The following HPSE2 variants were observed in gnomAD, a reference collection of about 807,000 sequenced individuals.
HPSE2 encodes the protein inactive heparanase-2.
In HPSE2, 38 loss-of-function variants were observed where a neutral mutation model predicts 60.5. The ratio of observed to expected loss-of-function variants is 0.63; its 90% CI spans 0.48 to 0.82. The LOEUF is 0.82. Among genes scored for constraint, HPSE2 ranks in the 40% least tolerant of loss-of-function variants. The probability of loss-of-function intolerance (pLI) is 0.00; values close to 1 mark genes in which losing one functional copy is unlikely to be tolerated. For synonymous variants in HPSE2, 295 were observed against 293.2 expected (o/e 1.01, Z -0.06); for missense variants, 713 against 740.4 (o/e 0.96, Z 0.43).
intron 9 of HPSE2, among the ~76,000 whole-genome samples, chr10:98,554,221 A>G (rs565124042): frequency 1.2e-4 from 19 of 152,278 alleles, no homozygotes; most frequent in African/African-American, 4.1e-4. Flanking sequence ...TTCCAGCCAG[A>G]TCAGACTATA....
rs147626749 is a variant in HPSE2, at chr10:99,184,863, G to C, written c.449-40464C>G. Among the ~76,000 whole-genome samples, 598 of 106,400 alleles carry C rather than the reference G, an allele frequency of 5.6e-3. 17 individuals are homozygous for C. Among genetic ancestry groups the C allele is most frequent in the East Asian group, 0.051 (154 of 3,032 alleles). The allele number at this position is 106,400 out of a possible 152,430, so 69.8% of individuals were successfully genotyped here. On this transcript the variant is annotated intron_variant, in intron 2 of 11. Coordinates refer to ENST00000370552, the MANE Select transcript of HPSE2 (RefSeq NM_021828.5). Reference sequence around the variant, plus strand: ...AGAGAGAGAGAGAGAGAGAGAGAGAGACAGAAACACTGAAAAAATGATGTA... The same window carrying C: ...AGAGAGAGAGAGAGAGAGAGAGAGACACAGAAACACTGAAAAAATGATGTA...
chr10:99,234,863 G>A (rs1849786306), intron 1 of HPSE2, among the ~76,000 whole-genome samples: 1 of 152,016 alleles, frequency 6.6e-6, no homozygotes, highest in South Asian at 2.1e-4. Context: ...ACTGGCGGGG[G>A]GAGGGGGGCA....
chr10:98,715,126 T>A (rs1300793254), intron 5 of HPSE2, among the ~76,000 whole-genome samples: 1 of 151,914 alleles, frequency 6.6e-6, no homozygotes, highest in African/African-American at 2.4e-5. Flanking sequence ...TTTCTCCTAT[T>A]CTGCATGTTA....
Position 98,931,462 on chromosome 10 carries a change from G to A in HPSE2, c.611-187406C>T, listed in dbSNP as rs543484336. Among the ~76,000 whole-genome samples, 111 of 143,842 alleles carry A rather than the reference G, an allele frequency of 7.7e-4. 20 individuals carry two copies. The highest frequency in any genetic ancestry group is 1.9e-3 in the African/African-American group (67 of 35,460). The allele number at this position is 143,842 out of a possible 152,430, so 94.4% of individuals were successfully genotyped here. ...GTCTTGGCTATGCAAGCTCTTTTTT[G>A]GTTCCATATAAATTTTAAAAGTTTT... On this transcript the variant is annotated intron_variant, in intron 3 of 11. Transcript: ENST00000370552.
intron 4 of HPSE2, among the ~76,000 whole-genome samples, chr10:98,728,604 T>C (rs1418877063): frequency 6.6e-6 from 1 of 152,094 alleles, no homozygotes. Context: ...AGTGACATAG[T>C]GAGACTCTGT....
intron 3 of HPSE2, among the ~76,000 whole-genome samples, chr10:99,095,734 T>C (rs1843697606): frequency 6.6e-6 from 1 of 152,256 alleles, no homozygotes; most frequent in South Asian, 2.1e-4. Context: ...CATTTCTTCT[T>C]ATTGCTAAGT....
intron 11 of HPSE2, among the ~76,000 whole-genome samples, chr10:98,478,770 G>A (rs1941121029): frequency 6.6e-6 from 1 of 152,166 alleles, no homozygotes; most frequent in African/African-American, 2.4e-5. Flanking sequence ...GCTATTCCCT[G>A]AAGAATATGT....
At chr10:99,225,198 A>T (rs1022573625) in intron 2 of HPSE2, among the ~76,000 whole-genome samples, 3 of 152,188 alleles carry the variant, frequency 2.0e-5, no homozygotes, top group Non-Finnish European at 4.4e-5. Context: ...ATATTAAATT[A>T]TATCAAATCC....
At chr10:98,911,151 T>C (rs1953966522) in intron 3 of HPSE2, among the ~76,000 whole-genome samples, 3 of 152,174 alleles carry the variant, frequency 2.0e-5, no homozygotes, top group Admixed American at 2.0e-4. Context: ...CCTCAACAAA[T>C]GTGGCTGTAG....
chr10:98,794,243 AT>A (rs67286674), intron 3 of HPSE2, among the ~76,000 whole-genome samples: 20,197 of 144,050 alleles, frequency 0.14, 1,387 homozygotes, highest in Non-Finnish European at 0.18. Context: ...CATTGCATTA[AT>A]TTTTTTTTTT....
At chr10:99,100,973 G>C (rs146944574) in intron 3 of HPSE2, among the ~76,000 whole-genome samples, 1,797 of 152,164 alleles carry the variant, frequency 0.012, 37 homozygotes, top group African/African-American at 0.04. Context: ...TGCCCTAAAA[G>C]AGCTCCTGAA....
chr10:98,890,326 G>A (rs1316419724), intron 3 of HPSE2, among the ~76,000 whole-genome samples: 1 of 151,996 alleles, frequency 6.6e-6, no homozygotes, highest in African/African-American at 2.4e-5. Context: ...AAACCTAAAT[G>A]TTCAACAACT....
At chr10:98,597,840 G>A (rs1209554593) in intron 9 of HPSE2, among the ~76,000 whole-genome samples, 1 of 150,760 alleles carries the variant, frequency 6.6e-6, no homozygotes, top group Non-Finnish European at 1.5e-5. Context: ...GCATGGTGGT[G>A]CGTGGCTGTA....
chr10:99,213,006 T>A (rs1312518156), intron 2 of HPSE2, among the ~76,000 whole-genome samples: 3 of 152,254 alleles, frequency 2.0e-5, no homozygotes, highest in Admixed American at 1.3e-4. Context: ...ATAAGGAGGT[T>A]ACCATTTTAG....
Position 98,712,125 on chromosome 10 carries a change from C to G in HPSE2, c.956+9532G>C, listed in dbSNP as rs145532307. 6.8e-4 allele frequency among the ~76,000 whole-genome samples: 104 copies of G among 152,022 alleles called. 1 individual carries two copies. Among genetic ancestry groups the G allele is most frequent in the Middle Eastern group, 3.4e-3 (1 of 294 alleles). On this transcript the variant is annotated intron_variant, in intron 5 of 11. Coordinates refer to ENST00000370552, the MANE Select transcript of HPSE2 (RefSeq NM_021828.5). ...AGTGAGGAAGAATATTTCTCAAGAC[C>G]ATCTGACTAGTAAAGTGTCAAATCG...
intron 3 of HPSE2, among the ~76,000 whole-genome samples, chr10:98,809,313 A>C (rs1295345921): frequency 6.6e-6 from 1 of 152,036 alleles, no homozygotes; most frequent in African/African-American, 2.4e-5. Context: ...AATTCTCTCT[A>C]CTTTTTTGCA....
chr10:98,768,810 G>A (rs185950175), intron 3 of HPSE2, among the ~76,000 whole-genome samples: 16 of 152,204 alleles, frequency 1.1e-4, no homozygotes, highest in African/African-American at 3.1e-4. Flanking sequence ...CCAGCACTTC[G>A]GGATGTTGAG....
chr10:98,619,228 G>A (rs905216383), intron 8 of HPSE2, among the ~76,000 whole-genome samples: 1 of 152,160 alleles, frequency 6.6e-6, no homozygotes, highest in African/African-American at 2.4e-5. Context: ...TTCTTAGGAG[G>A]ACATTGCTCA....
intron 3 of HPSE2, among the ~76,000 whole-genome samples, chr10:98,744,476 G>A (rs1392285552): frequency 6.6e-6 from 1 of 151,940 alleles, no homozygotes; most frequent in Non-Finnish European, 1.5e-5. Context: ...GTGGTGAGCC[G>A]AGATTGCACC....
Sources: allele counts gnomAD v4.1 joint callset (sites outside exome capture counted in the v4.1 genomes callset), GRCh38; gene constraint gnomAD v4.1.1; transcripts MANE v1.5; gene names NCBI Gene and HGNC (gene_info 2026-07-23, HGNC 2026-07-21).